The following ETFB variants were observed in gnomAD, a reference collection of about 807,000 sequenced individuals.
ETFB encodes beta-ETF.
A neutral mutation model predicts 25.6 loss-of-function variants in ETFB; 20 were observed. The ratio of observed to expected loss-of-function variants is 0.78; its 90% CI spans 0.55 to 1.14. The LOEUF (loss-of-function observed/expected upper bound fraction) is 1.14. Among genes scored for constraint, ETFB ranks in the 50% most tolerant of loss-of-function variants. The pLI, the probability that ETFB is intolerant of heterozygous loss-of-function variation, is 0.00. For missense variants in ETFB, 286 were observed against 342.6 expected, an observed-to-expected ratio of 0.83 and a Z score of 1.30; for synonymous variants, 142 against 146.7, an observed-to-expected ratio of 0.97 and a Z score of 0.23.
In ETFB at chr19:51,347,012, A is replaced by G. The variant is rs141774128; in HGVS notation, c.485T>C (p.Val162Ala). 3.2e-5 allele frequency: 52 copies of G among 1,613,304 alleles called. No individual in the cohort carries two copies. Among genetic ancestry groups the G allele is most frequent in the African/African-American group, 4.0e-5 (3 of 75,020 alleles). ...QVTLEGDKLK[V>A]EREIDGGLET... ...CAGGCCCCCATCGATCTCCCGCTCC[A>G]CTTTCAACTTGTCCCCCTCCAGCGT... Residue 162 changes from valine to alanine, a missense_variant, in exon 5 of 6, where the codon GTG becomes GCG. Physicochemically the swap from Val to Ala is moderately conservative, Grantham distance 64. Transcript: ENST00000309244.
rs769426957 is a variant in ETFB, at chr19:51,353,176, G to A, written c.331C>T (p.Leu111=). Residue 111 remains leucine, a synonymous_variant, in exon 3 of 6, where the codon CTG becomes TTG. Transcript: ENST00000309244. ...PLQVARVLAK[L]AEKEKVDLVL... ...AGGTCCACCTTCTCCTTCTCTGCCAGCTTGGCCAGGACCCGAGCCACCTGC... is the reference window on the plus strand; with the variant it reads ...AGGTCCACCTTCTCCTTCTCTGCCAACTTGGCCAGGACCCGAGCCACCTGC... The A allele has an allele frequency of 1.2e-6, 2 of 1,614,126 alleles. No individual in the cohort carries two copies. The highest frequency in any genetic ancestry group is 1.7e-5 in the Admixed American group (1 of 60,030).
Position 51,354,318 on chromosome 19 carries a change from A to G in ETFB, c.58-10T>C. ...CAGGCTTCACTCGGATCTGCCCAGC[A>G]GGAGGGGAAGGGGTGGGGTCAGGAG... On this transcript the variant is annotated splice_polypyrimidine_tract_variant and intron_variant, in intron 1 of 5. Coordinates refer to ENST00000309244, the MANE Select transcript of ETFB (RefSeq NM_001985.3). 1.2e-6 allele frequency: 2 copies of G among 1,614,154 alleles called. No homozygotes were observed. The highest frequency in any genetic ancestry group is 2.7e-5 in the African/African-American group (2 of 75,042).
chr19:51,355,250 AAAAC>A (rs374060016), intron 1 of ETFB: 12 of 153,084 alleles, frequency 7.8e-5, no homozygotes, highest in East Asian at 3.9e-4. Flanking sequence ...GTACAAGAAA[AAAAC>A]AAACAACCCC....
chr19:51,357,459 T>C (rs958580086), intron 1 of ETFB, among the ~76,000 whole-genome samples: 3 of 142,852 alleles, frequency 2.1e-5, no homozygotes, highest in Admixed American at 7.0e-5. Context: ...TTTTATTTCT[T>C]GGCCCACCAC....
At position 51,354,582 on chromosome 19, in the gene ETFB, TGAAA is replaced by T. The variant is rs761984459; in HGVS notation, c.58-278_58-275del. On this transcript the variant is annotated intron_variant, in intron 1 of 5. Transcript: ENST00000309244. ...CTGTTGTCACTGCTCCTCTCAGGCC[TGAAA>T]GAGTGTTTCTCAAATTTACAGTATT... The T allele has an allele frequency of 1.1e-5, 17 of 1,614,040 alleles. No individual in the cohort carries two copies. The Admixed American group carries it at 2.0e-4, about 19-fold the overall frequency.
In ETFB at chr19:51,366,335, C is replaced by T. The variant is rs747618707; in HGVS notation, c.-9G>A. On this transcript the variant is annotated 5_prime_UTR_variant, in exon 1 of 6. Coordinates refer to ENST00000309244, the MANE Select transcript of ETFB (RefSeq NM_001985.3). ...ACGCGCAGCTCCGCCATCTTCCCGC[C>T]GCAGCCACTTACAGGGTCAGCCCGC... 1.2e-6 allele frequency: 2 copies of T among 1,612,606 alleles called. No homozygotes were observed.
intron 5 of ETFB, chr19:51,345,985 C>T (rs1286115602): frequency 2.3e-5 from 3 of 132,854 alleles, no homozygotes; most frequent in Admixed American, 1.5e-4. Flanking sequence ...TGAGATGATG[C>T]GCTGAACCCT....
rs1177732298 is a variant in ETFB, at chr19:51,353,189, C to T, written c.318G>A (p.Arg106=). The T allele has an allele frequency of 6.2e-7, 1 of 1,614,006 alleles. No individual in the cohort carries two copies. Among genetic ancestry groups the T allele is most frequent in the Non-Finnish European group, 8.5e-7 (1 of 1,180,020 alleles). The change falls in exon 3 of 6, where the codon CGG becomes CGA. Residue 106 remains arginine, a synonymous_variant. Transcript: ENST00000309244. ...CCTTCTCTGCCAGCTTGGCCAGGAC[C>T]CGAGCCACCTGCAGGGGACCCAAGC... ...AERLGPLQVA[R]VLAKLAEKEK...
chr19:51,345,586 A>G, intron 5 of ETFB: 1 of 613,250 alleles, frequency 1.6e-6, no homozygotes, highest in South Asian at 1.9e-5. Context: ...TGGGAGGCCC[A>G]ACTACTGCAG....
At chr19:51,358,076 C>A (rs1986126976) in intron 1 of ETFB, among the ~76,000 whole-genome samples, 1 of 152,178 alleles carries the variant, frequency 6.6e-6, no homozygotes. Flanking sequence ...TTTTAAAAAG[C>A]CTCCAGGGAC....
At chr19:51,351,960 G>A (rs568557200) in intron 3 of ETFB, among the ~76,000 whole-genome samples, 162 of 152,084 alleles carry the variant, frequency 1.1e-3, no homozygotes, top group African/African-American at 3.8e-3. Flanking sequence ...ACTCCCATCT[G>A]CCTGTGGCTC....
rs1234630368 is a variant in ETFB, at chr19:51,366,366, C to A, written c.-40G>T. On this transcript the variant is annotated 5_prime_UTR_variant, in exon 1 of 6. Transcript: ENST00000309244. ...CACTTACAGGGTCAGCCCGCACCCTCAGCGGCTCAGTCCAGAAGCCCCACC... is the reference window on the plus strand; with the variant it reads ...CACTTACAGGGTCAGCCCGCACCCTAAGCGGCTCAGTCCAGAAGCCCCACC... 1 of 1,600,468 alleles carries A rather than the reference C, an allele frequency of 6.2e-7. No homozygotes were observed. Among genetic ancestry groups the A allele is most frequent in the African/African-American group, 1.3e-5 (1 of 74,736 alleles).
chr19:51,354,170 AGCTGACG>A lies in ETFB; in HGVS notation c.189_195del (p.Ser65GlyfsTer71). ...ATCACCTGGCACTGTGCAGGCCCAC[AGCTGACG>A]GCGATGACCTCCTTCACCAGCTTCT... On this transcript the variant is annotated frameshift_variant, in exon 2 of 6. Coordinates refer to ENST00000309244, the MANE Select transcript of ETFB (RefSeq NM_001985.3). LOFTEE classifies it high-confidence loss of function. 6.2e-7 allele frequency: 1 copy of A among 1,614,106 alleles called. No individual in the cohort carries two copies. Among genetic ancestry groups the A allele is most frequent in the South Asian group, 1.1e-5 (1 of 91,078 alleles).
At chr19:51,354,696 G>A in intron 1 of ETFB, 2 of 1,597,860 alleles carry the variant, frequency 1.3e-6, no homozygotes, top group South Asian at 2.2e-5. Flanking sequence ...AAATACAAAT[G>A]AGGAGAAGAA....
At chr19:51,366,229 G>GC in intron 1 of ETFB, 41 bp downstream of exon 1, 1 of 1,597,284 alleles carries the variant, frequency 6.3e-7, no homozygotes, top group Non-Finnish European at 8.6e-7. Context: ...GAAGCACACG[G>GC]CTGCGGGACT....
intron 4 of ETFB, among the ~76,000 whole-genome samples, chr19:51,348,909 T>G (rs1336369499): frequency 6.6e-6 from 1 of 152,218 alleles, no homozygotes; most frequent in East Asian, 1.9e-4. Flanking sequence ...TTTGAAGATT[T>G]AGTACAAAGA....
chr19:51,353,344 G>T, intron 2 of ETFB, 54 bp from the exon 3 acceptor site: 1 of 1,604,170 alleles, frequency 6.2e-7, no homozygotes. Flanking sequence ...GGACCTAGGA[G>T]TCTGGCTCGC....
rs1489615692 is a variant in ETFB, at chr19:51,364,549, G to T, written c.57+1721C>A. Among the ~76,000 whole-genome samples, 8 of 152,176 alleles carry T rather than the reference G, an allele frequency of 5.3e-5. No homozygotes were observed. In the East Asian group the frequency reaches 1.2e-3, roughly 22 times the overall value. ...CGTGGGCCTGCACCATGGGGGAGAC[G>T]GATCCAATCCCAGACATGCCAGGCG... On this transcript the variant is annotated intron_variant, in intron 1 of 5. Coordinates refer to ENST00000309244, the MANE Select transcript of ETFB (RefSeq NM_001985.3).
chr19:51,364,136 G>A (rs1316478955), intron 1 of ETFB, among the ~76,000 whole-genome samples: 1 of 152,090 alleles, frequency 6.6e-6, no homozygotes, highest in Non-Finnish European at 1.5e-5. Flanking sequence ...GACTGGGAGT[G>A]AGGGAGGACC....
Sources: gnomAD v4.1 joint callset for allele counts (sites outside exome capture counted in the v4.1 genomes callset) on GRCh38, gnomAD v4.1.1 for gene constraint, MANE v1.5 for transcripts, NCBI Gene and HGNC (gene_info 2026-07-23, HGNC 2026-07-21) for gene names.